The following PHACTR2 variants were observed in gnomAD, a reference collection of about 807,000 sequenced individuals.
The protein encoded by PHACTR2 is chromosome 6 open reading frame 56.
PHACTR2 carries 30 observed loss-of-function variants against 76.0 expected under a neutral mutation model. The observed-to-expected ratio is 0.39, with a 90% CI of 0.30 to 0.54. PHACTR2 has a LOEUF of 0.54. Ranked by LOEUF, PHACTR2 falls within the 20% of genes least tolerant of loss-of-function variation. The pLI is 0.61. For synonymous variants in PHACTR2, 292 were observed against 292.5 expected, an observed-to-expected ratio of 1.00 and a Z score of 0.02; for missense variants, 696 against 781.1, an observed-to-expected ratio of 0.89 and a Z score of 1.30.
intron 1 of PHACTR2, among the ~76,000 whole-genome samples, chr6:143,609,470 T>C (rs1277045127): frequency 2.6e-5 from 4 of 152,106 alleles, no homozygotes; most frequent in African/African-American, 9.7e-5. Context: ...GATGTGTGTG[T>C]AGTAGTAGCA....
Position 143,700,831 on chromosome 6 carries a change from T to C in PHACTR2, c.47-11185T>C, listed in dbSNP as rs1280988962. Among the ~76,000 whole-genome samples, 1 of 152,114 alleles carries C rather than the reference T, an allele frequency of 6.6e-6. No individual in the cohort carries two copies. On this transcript the variant is annotated intron_variant, in intron 1 of 12. Coordinates refer to ENST00000440869, the MANE Select transcript of PHACTR2 (RefSeq NM_001100164.2). This position sits in a 1 kb window ranked among gnomAD's most constrained non-coding sequence, Gnocchi z 4.1. ...CCTGCTCCACTTCAGACTCCGGGAG[T>C]TGTTGTATATGACTAACATCTACGG... is the stretch of plus-strand genomic sequence containing the variant.
At chr6:143,566,629 A>G (rs969771887) in intron 1 of PHACTR2, among the ~76,000 whole-genome samples, 2 of 152,094 alleles carry the variant, frequency 1.3e-5, no homozygotes, top group South Asian at 2.1e-4. Context: ...TTAAATATAA[A>G]CCAAAAGTAG....
chr6:143,549,529 A>C lies in PHACTR2; in HGVS notation c.217+12322A>C, dbSNP rs997150711. Among the ~76,000 whole-genome samples, 1 of 151,936 alleles carries C rather than the reference A, an allele frequency of 6.6e-6. No individual in the cohort carries two copies. The highest frequency in any genetic ancestry group is 1.5e-5 in the Non-Finnish European group (1 of 67,946). Reference sequence around the variant, plus strand: ...GCCGGCCACAGGCAATGGCAAGATGAGAATGTTTGCCCAAGCCCAGGAACC... The same window carrying C: ...GCCGGCCACAGGCAATGGCAAGATGCGAATGTTTGCCCAAGCCCAGGAACC... On this transcript the variant is annotated intron_variant, in intron 1 of 11. Transcript: ENST00000367584. This position sits in a 1 kb window ranked among gnomAD's most constrained non-coding sequence, Gnocchi z 4.2.
rs1258615010 is a variant in PHACTR2, at chr6:143,801,537, T to G, written c.1846-5520T>G. On this transcript the variant is annotated intron_variant, in intron 11 of 12. Coordinates refer to ENST00000440869, the MANE Select transcript of PHACTR2 (RefSeq NM_001100164.2). The surrounding 1 kb of genome is among the most constrained non-coding windows in gnomAD (Gnocchi z 4.6). The stretch of plus-strand genomic sequence containing the variant: ...TTCACGGAGTTCTCGTACTGTAGTT[T>G]TCAGCTCCATCAGGTTATTTAAGCT... 6.6e-6 allele frequency among the ~76,000 whole-genome samples: 1 copy of G among 152,174 alleles called. No homozygotes were observed. Among genetic ancestry groups the G allele is most frequent in the Non-Finnish European group, 1.5e-5 (1 of 68,024 alleles).
rs148620610 is a variant in PHACTR2 at position 143,585,746 on chromosome 6, C to A, written c.217+48539C>A. Among the ~76,000 whole-genome samples the A allele has an allele frequency of 6.6e-6, 1 of 152,298 alleles. No individual in the cohort carries two copies. Among genetic ancestry groups the A allele is most frequent in the Non-Finnish European group, 1.5e-5 (1 of 68,026 alleles). On this transcript the variant is annotated intron_variant, in intron 1 of 11. Coordinates refer to the PHACTR2 transcript ENST00000367584. The surrounding 1 kb of genome is among the most constrained non-coding windows in gnomAD (Gnocchi z 5.2). ...TGAACTCTGTGAGCAATTTTGTCCC[C>A]CAGCTCCTCAAAATGATGTGGGAGA...
In PHACTR2 at chr6:143,765,197, G is replaced by A; in HGVS notation, c.695-64G>A. On this transcript the variant is annotated intron_variant, in intron 5 of 12. Transcript: ENST00000440869. This position sits in a 1 kb window ranked among gnomAD's most constrained non-coding sequence, Gnocchi z 4.1. The stretch of plus-strand genomic sequence containing the variant: ...TAAATGTTGTTGACAGTTACACCTT[G>A]GTTACTTTATTTTAAAAAGCATTGT... 7.9e-7 allele frequency: 1 copy of A among 1,260,646 alleles called. No individual in the cohort carries two copies. Among genetic ancestry groups the A allele is most frequent in the South Asian group, 1.4e-5 (1 of 71,578 alleles). 78.1% of individuals were successfully genotyped at this position (1,260,646 alleles called of 1,614,324 possible).
rs1776798217 is a variant in PHACTR2 at position 143,653,474 on chromosome 6, C to A, written c.13+45152C>A. On this transcript the variant is annotated intron_variant, in intron 1 of 11. Transcript: ENST00000305766. This position sits in a 1 kb window ranked among gnomAD's most constrained non-coding sequence, Gnocchi z 4.9. ...AGTTTACTAATGGCCTGAAAGAATT[C>A]ATTGCAGCTTCCCACATGCAAAGTT... 6.6e-6 allele frequency among the ~76,000 whole-genome samples: 1 copy of A among 152,038 alleles called. No individual in the cohort carries two copies. The highest frequency in any genetic ancestry group is 6.6e-5 in the Admixed American group (1 of 15,238).
intron 1 of PHACTR2, among the ~76,000 whole-genome samples, chr6:143,706,623 AACCTGC>A (rs1180395209): frequency 1.3e-5 from 2 of 152,154 alleles, no homozygotes; most frequent in Non-Finnish European, 2.9e-5. Context: ...CAGAATTTTT[AACCTGC>A]ACCCCGTGTG....
At chr6:143,726,497 C>T (rs528068423) in intron 2 of PHACTR2, among the ~76,000 whole-genome samples, 15 of 152,244 alleles carry the variant, frequency 9.9e-5, no homozygotes, top group Middle Eastern at 3.4e-3. Flanking sequence ...ACTTTAGATC[C>T]CTCATATAAG....
chr6:143,574,146 C>T (rs1207634792), intron 1 of PHACTR2, among the ~76,000 whole-genome samples: 1 of 152,178 alleles, frequency 6.6e-6, no homozygotes, highest in Non-Finnish European at 1.5e-5. Context: ...AGCTGTGTGG[C>T]TGAGTGCCCC....
chr6:143,629,872 T>C (rs1776331930), intron 1 of PHACTR2, among the ~76,000 whole-genome samples: 1 of 152,182 alleles, frequency 6.6e-6, no homozygotes, highest in Non-Finnish European at 1.5e-5. Context: ...TCGTGTGTTA[T>C]TCATTGCTGG....
intron 2 of PHACTR2, among the ~76,000 whole-genome samples, chr6:143,735,206 G>A (rs1350730222): frequency 7.9e-5 from 12 of 152,108 alleles, no homozygotes; most frequent in Non-Finnish European, 1.8e-4. Flanking sequence ...TACTCATGAA[G>A]TTTCCTTTAT....
Position 143,742,812 on chromosome 6 carries a change from G to A in PHACTR2, c.215-6173G>A, listed in dbSNP as rs1483180986. On this transcript the variant is annotated intron_variant, in intron 2 of 12. Coordinates refer to ENST00000440869, the MANE Select transcript of PHACTR2 (RefSeq NM_001100164.2). This position sits in a 1 kb window ranked among gnomAD's most constrained non-coding sequence, Gnocchi z 4.5. Reference sequence around the variant, plus strand: ...ATTATGGGAATGACATGATAAACACGACATCCCTCAGAAGGCTTAGACTAG... The same window carrying A: ...ATTATGGGAATGACATGATAAACACAACATCCCTCAGAAGGCTTAGACTAG... 6.6e-6 allele frequency among the ~76,000 whole-genome samples: 1 copy of A among 152,158 alleles called. No homozygotes were observed. The highest frequency in any genetic ancestry group is 2.4e-5 in the African/African-American group (1 of 41,436).
intron 1 of PHACTR2, among the ~76,000 whole-genome samples, chr6:143,631,471 C>T (rs1056078488): frequency 2.6e-5 from 4 of 152,104 alleles, no homozygotes; most frequent in African/African-American, 7.2e-5. Context: ...TGGGATTAGA[C>T]GCCTGAGCCA....
At chr6:143,667,782 C>T (rs975642779) in intron 1 of PHACTR2, among the ~76,000 whole-genome samples, 6 of 152,166 alleles carry the variant, frequency 3.9e-5, no homozygotes, top group African/African-American at 7.2e-5. Flanking sequence ...TGGGCTGAGA[C>T]GATGGAGTTT....
intron 1 of PHACTR2, among the ~76,000 whole-genome samples, chr6:143,593,166 G>A (rs1775712023): frequency 1.3e-5 from 2 of 151,950 alleles, no homozygotes. Flanking sequence ...TAGGCATCAG[G>A]TTGTGTGGTT....
chr6:143,679,060 C>G lies in PHACTR2; in HGVS notation c.46+851C>G, dbSNP rs953580793. On this transcript the variant is annotated intron_variant, in intron 1 of 12. Coordinates refer to ENST00000440869, the MANE Select transcript of PHACTR2 (RefSeq NM_001100164.2). This position sits in a 1 kb window ranked among gnomAD's most constrained non-coding sequence, Gnocchi z 4.6. ...AAAAATAAATAATACTCGAAGGGACCGTTTATGTTACTCATTGAGATATTT... is the reference window on the plus strand; with the variant it reads ...AAAAATAAATAATACTCGAAGGGACGGTTTATGTTACTCATTGAGATATTT... 1.3e-5 allele frequency among the ~76,000 whole-genome samples: 2 copies of G among 152,122 alleles called. No individual in the cohort carries two copies. Among genetic ancestry groups the G allele is most frequent in the African/African-American group, 2.4e-5 (1 of 41,484 alleles).
rs1369197300 is a variant in PHACTR2, at chr6:143,550,460, A to G, written c.217+13253A>G. 1.3e-5 allele frequency among the ~76,000 whole-genome samples: 2 copies of G among 151,838 alleles called. No individual in the cohort carries two copies. Among genetic ancestry groups the G allele is most frequent in the African/African-American group, 4.8e-5 (2 of 41,378 alleles). On this transcript the variant is annotated intron_variant, in intron 1 of 11. Coordinates refer to the PHACTR2 transcript ENST00000367584. The surrounding 1 kb of genome is among the most constrained non-coding windows in gnomAD (Gnocchi z 4.8). ...CTACTCTTGCTTTCCTGTTTGGCAA[A>G]CCTTACTATATATTATCTATATAGT...
rs1381322535 is a variant in PHACTR2 at position 143,627,620 on chromosome 6, GAGA to G, written c.13+19304_13+19306del. Among the ~76,000 whole-genome samples, 6 of 70,816 alleles carry G rather than the reference GAGA, an allele frequency of 8.5e-5. No homozygotes were observed. Among genetic ancestry groups the G allele is most frequent in the South Asian group, 4.4e-4 (1 of 2,280 alleles). 46.5% of individuals were successfully genotyped at this position (70,816 alleles called of 152,430 possible). On this transcript the variant is annotated intron_variant, in intron 1 of 11. Coordinates refer to the PHACTR2 transcript ENST00000305766. This position sits in a 1 kb window ranked among gnomAD's most constrained non-coding sequence, Gnocchi z 4.3. Reference sequence around the variant, plus strand: ...ACCACCACTTCCTTTTTTTTTTTTTGAGAAGAAGTCTCGCTCTGTCACCCAGGC... The same window carrying G: ...ACCACCACTTCCTTTTTTTTTTTTTGAGAAGTCTCGCTCTGTCACCCAGGC...
Sources: gnomAD v4.1 joint callset for allele counts (sites outside exome capture counted in the v4.1 genomes callset) on GRCh38, gnomAD v4.1.1 for gene constraint, Gnocchi (gnomAD v3.1) non-coding constraint, MANE v1.5 for transcripts, NCBI Gene and HGNC (gene_info 2026-07-23, HGNC 2026-07-21) for gene names.